Variants in KCNQ1 observed in about 807,000 individuals in gnomAD.
KCNQ1 encodes potassium voltage-gated channel subfamily Q member 1, also known as potassium voltage-gated channel subfamily KQT member 1.
A neutral mutation model predicts 72.4 loss-of-function variants in KCNQ1; 49 were observed. The ratio of observed to expected loss-of-function variants is 0.68; its 90% CI spans 0.54 to 0.86. The LOEUF (loss-of-function observed/expected upper bound fraction) is 0.86, where lower values mean the gene tolerates loss of function less well. Ranked by LOEUF, KCNQ1 falls within the 40% of genes least tolerant of loss-of-function variation. The probability of loss-of-function intolerance (pLI) is 0.00; values close to 1 mark genes in which losing one functional copy is unlikely to be tolerated. For missense variants in KCNQ1, 790 were observed against 945.1 expected, an observed-to-expected ratio of 0.84 and a Z score of 2.15; for synonymous variants, 450 against 412.6, an observed-to-expected ratio of 1.09 and a Z score of -1.10.
chr11:2,718,133 G>A (rs984682399), intron 11 of KCNQ1, among the ~76,000 whole-genome samples: 6 of 152,178 alleles, frequency 3.9e-5, no homozygotes, highest in South Asian at 2.1e-4. Flanking sequence ...ACACTTTGAG[G>A]CCCTCCCTGC....
chr11:2,812,153 C>T (rs1296763715), intron 15 of KCNQ1, among the ~76,000 whole-genome samples: 1 of 152,212 alleles, frequency 6.6e-6, no homozygotes, highest in African/African-American at 2.4e-5. Context: ...CACTCCCAGA[C>T]GGCTGGTCCC....
intron 11 of KCNQ1, chr11:2,685,264 G>C: frequency 2.5e-6 from 1 of 398,662 alleles, no homozygotes; most frequent in Non-Finnish European, 4.4e-6. Context: ...CAGGGCACAC[G>C]TGCCACTGTG....
chr11:2,461,800 G>A (rs1157507277), intron 1 of KCNQ1: 25 of 1,146,120 alleles, frequency 2.2e-5, no homozygotes, highest in Middle Eastern at 4.6e-4. Context: ...TATGGGTGGC[G>A]GGTAGATGGG....
intron 10 of KCNQ1, chr11:2,656,179 T>G (rs1849844982): frequency 2.5e-6 from 1 of 398,644 alleles, no homozygotes; most frequent in East Asian, 3.6e-5. Flanking sequence ...TGTTTTTTCT[T>G]TCTTCCTTCC....
rs1848952135 is a variant in KCNQ1, at chr11:2,609,982, A to T, written c.1393+21128A>T. On this transcript the variant is annotated intron_variant, in intron 10 of 15. Coordinates refer to ENST00000155840, the MANE Select transcript of KCNQ1 (RefSeq NM_000218.3). ...TCTGGTCTGATAATTCCTGCCTTTGATTAGATTGTTTAATCCATTCACATT... is the reference window on the plus strand; with the variant it reads ...TCTGGTCTGATAATTCCTGCCTTTGTTTAGATTGTTTAATCCATTCACATT... 4 of 397,980 alleles carry T rather than the reference A, an allele frequency of 1.0e-5. 1 individual carries two copies. In the Middle Eastern group the frequency reaches 2.5e-3, roughly 252 times the overall value. 24.7% of individuals were successfully genotyped at this position (397,980 alleles called of 1,614,324 possible).
At position 2,808,408 on chromosome 11, in the gene KCNQ1, G is replaced by A. The variant is rs542631230; in HGVS notation, c.1794+30371G>A. Among the ~76,000 whole-genome samples the A allele has an allele frequency of 6.6e-5, 10 of 152,320 alleles. No homozygotes were observed. The highest frequency in any genetic ancestry group is 5.8e-4 in the East Asian group (3 of 5,188). On this transcript the variant is annotated intron_variant, in intron 15 of 15. Transcript: ENST00000155840. This position sits in a 1 kb window ranked among gnomAD's most constrained non-coding sequence, Gnocchi z 6.0. ...CAGGAGCAAAGCAGGGCACTGTGCC[G>A]GAGAGGAACAGGGGTGGTCAGGGAA... is the stretch of plus-strand genomic sequence containing the variant.
Position 2,775,942 on chromosome 11 carries a change from T to C in KCNQ1, c.1591-18T>C, listed in dbSNP as rs1046721792. The C allele has an allele frequency of 6.4e-6, 10 of 1,551,362 alleles. No individual in the cohort carries two copies. The African/African-American group carries it at 1.4e-4, about 21-fold the overall frequency. ...GGGCACAGGGAGGAGAAGTGATGCG[T>C]GTCTTTTTGTCCCGCAGCAAGCGCG... On this transcript the variant is annotated intron_variant, in intron 12 of 15. Transcript: ENST00000155840.
rs1849260996 is a variant in KCNQ1 at position 2,626,276 on chromosome 11, T to C, written c.1394-35685T>C. 2.5e-6 allele frequency: 1 copy of C among 398,414 alleles called. No homozygotes were observed. The allele number at this position is 398,414 out of a possible 1,614,324, so 24.7% of individuals were successfully genotyped here. Reference sequence around the variant, plus strand: ...TCATTCTCTTTTATACATGGTTAGGTAAGGATCTCAACTTCATTCTCTTGA... The same window carrying C: ...TCATTCTCTTTTATACATGGTTAGGCAAGGATCTCAACTTCATTCTCTTGA... On this transcript the variant is annotated intron_variant, in intron 10 of 15. Transcript: ENST00000155840. The surrounding 1 kb of genome is among the most constrained non-coding windows in gnomAD (Gnocchi z 4.0).
rs960287060 is a variant in KCNQ1 at position 2,550,890 on chromosome 11, C to A, written c.478-19738C>A. Among the ~76,000 whole-genome samples the A allele has an allele frequency of 6.6e-6, 1 of 151,924 alleles. No homozygotes were observed. The highest frequency in any genetic ancestry group is 2.4e-5 in the African/African-American group (1 of 41,344). On this transcript the variant is annotated intron_variant, in intron 2 of 15. Coordinates refer to ENST00000155840, the MANE Select transcript of KCNQ1 (RefSeq NM_000218.3). This position sits in a 1 kb window ranked among gnomAD's most constrained non-coding sequence, Gnocchi z 6.0. ...GGGAGGCTGCCAAGTGAGGGGGGGG[C>A]ACAGACTGAGACAGGGTCCCCGTGT...
At position 2,507,554 on chromosome 11, in the gene KCNQ1, C is replaced by A. The variant is rs1405963111; in HGVS notation, c.387-20374C>A. ...GGGACCCCTCGCACCTGGGAGGATG[C>A]ACTTTCTGTTTCTGACATGGGTCAG... On this transcript the variant is annotated intron_variant, in intron 1 of 15. Coordinates refer to ENST00000155840, the MANE Select transcript of KCNQ1 (RefSeq NM_000218.3). This position sits in a 1 kb window ranked among gnomAD's most constrained non-coding sequence, Gnocchi z 5.4. 6.6e-6 allele frequency among the ~76,000 whole-genome samples: 1 copy of A among 152,126 alleles called. No homozygotes were observed. The highest frequency in any genetic ancestry group is 1.5e-5 in the Non-Finnish European group (1 of 68,036).
At position 2,808,523 on chromosome 11, in the gene KCNQ1, A is replaced by T. The variant is rs1293330529; in HGVS notation, c.1794+30486A>T. Among the ~76,000 whole-genome samples, 6 of 152,216 alleles carry T rather than the reference A, an allele frequency of 3.9e-5. No homozygotes were observed. Among genetic ancestry groups the T allele is most frequent in the African/African-American group, 1.4e-4 (6 of 41,450 alleles). ...AACTGAGCAGAGAAGAAAACAAAAG[A>T]GGACCATAATATCTCCACAGAGAAC... On this transcript the variant is annotated intron_variant, in intron 15 of 15. Transcript: ENST00000155840. This position sits in a 1 kb window ranked among gnomAD's most constrained non-coding sequence, Gnocchi z 6.0.
At chr11:2,615,009 T>C (rs1432623651) in intron 10 of KCNQ1, 6 of 398,332 alleles carry the variant, frequency 1.5e-5, no homozygotes, top group Non-Finnish European at 2.2e-5. Context: ...CAATATTTAA[T>C]CTTCCAATCT....
At chr11:2,528,057 G>A (rs758854055) in intron 2 of KCNQ1, 39 bp downstream of exon 2, 1 of 1,536,180 alleles carries the variant, frequency 6.5e-7, no homozygotes, top group Non-Finnish European at 9.0e-7. Context: ...TGTCATGGCT[G>A]CCTTGGAAGC....
chr11:2,781,852 G>A lies in KCNQ1; in HGVS notation c.1794+3815G>A, dbSNP rs886592928. ...GTTTCCATGCCGCAGTTCAGAAAGCGTTGGGCGGGAAGGGGCCCCCACCAC... is the reference window on the plus strand; with the variant it reads ...GTTTCCATGCCGCAGTTCAGAAAGCATTGGGCGGGAAGGGGCCCCCACCAC... On this transcript the variant is annotated intron_variant, in intron 15 of 15. Coordinates refer to ENST00000155840, the MANE Select transcript of KCNQ1 (RefSeq NM_000218.3). The surrounding 1 kb of genome is among the most constrained non-coding windows in gnomAD (Gnocchi z 6.6). Among the ~76,000 whole-genome samples, 1 of 152,152 alleles carries A rather than the reference G, an allele frequency of 6.6e-6. No homozygotes were observed. The highest frequency in any genetic ancestry group is 2.4e-5 in the African/African-American group (1 of 41,422).
At chr11:2,650,835 A>T in intron 10 of KCNQ1, 1 of 398,606 alleles carries the variant, frequency 2.5e-6, no homozygotes, top group Non-Finnish European at 4.4e-6. Flanking sequence ...TACTGATTTT[A>T]TGCTTTTAGG....
Position 2,661,838 on chromosome 11 carries a change from G to C in KCNQ1, c.1394-123G>C. 2 of 1,277,282 alleles carry C rather than the reference G, an allele frequency of 1.6e-6. No individual in the cohort carries two copies. The highest frequency in any genetic ancestry group is 2.3e-6 in the Non-Finnish European group (2 of 884,534). 79.1% of individuals were successfully genotyped at this position (1,277,282 alleles called of 1,614,324 possible). ...ACCCAACTATAAAACTGATTGTCAG[G>C]GCTGGAGCTTCCAGGCACAAGCTCC... is the stretch of plus-strand genomic sequence containing the variant. On this transcript the variant is annotated intron_variant, in intron 10 of 15. Coordinates refer to ENST00000155840, the MANE Select transcript of KCNQ1 (RefSeq NM_000218.3). This position sits in a 1 kb window ranked among gnomAD's most constrained non-coding sequence, Gnocchi z 5.9.
chr11:2,652,780 C>A lies in KCNQ1; in HGVS notation c.1394-9181C>A. On this transcript the variant is annotated intron_variant, in intron 10 of 15. Coordinates refer to ENST00000155840, the MANE Select transcript of KCNQ1 (RefSeq NM_000218.3). The surrounding 1 kb of genome is among the most constrained non-coding windows in gnomAD (Gnocchi z 5.9). ...CACTGCCTGTCTTCCTCAGCGCCCC[C>A]GCTACTCAGACCCCACCCTTGGGCC... The A allele has an allele frequency of 2.5e-6, 1 of 399,172 alleles. No homozygotes were observed. The highest frequency in any genetic ancestry group is 4.4e-6 in the Non-Finnish European group (1 of 226,542). 24.7% of individuals were successfully genotyped at this position (399,172 alleles called of 1,614,324 possible).
intron 15 of KCNQ1, among the ~76,000 whole-genome samples, chr11:2,796,207 A>G (rs1316916613): frequency 6.6e-6 from 1 of 152,052 alleles, no homozygotes; most frequent in Non-Finnish European, 1.5e-5. Context: ...ACCACCTGAA[A>G]TCATTCCATG....
At position 2,509,850 on chromosome 11, in the gene KCNQ1, G is replaced by A. The variant is rs1333875130; in HGVS notation, c.387-18078G>A. 4.6e-5 allele frequency among the ~76,000 whole-genome samples: 7 copies of A among 152,172 alleles called. No individual in the cohort carries two copies. Among genetic ancestry groups the A allele is most frequent in the East Asian group, 3.9e-4 (2 of 5,192 alleles). On this transcript the variant is annotated intron_variant, in intron 1 of 15. Coordinates refer to ENST00000155840, the MANE Select transcript of KCNQ1 (RefSeq NM_000218.3). This position sits in a 1 kb window ranked among gnomAD's most constrained non-coding sequence, Gnocchi z 6.3. Reference sequence around the variant, plus strand: ...CCTGGCGGGGCCGGCCAATGGTGGCGTGATGCAGCCTGGCTTGGGAAATGC... The same window carrying A: ...CCTGGCGGGGCCGGCCAATGGTGGCATGATGCAGCCTGGCTTGGGAAATGC...
Sources: allele counts gnomAD v4.1 joint callset (sites outside exome capture counted in the v4.1 genomes callset), GRCh38; gene constraint gnomAD v4.1.1; non-coding constraint Gnocchi (gnomAD v3.1); transcripts MANE v1.5; gene names NCBI Gene and HGNC (gene_info 2026-07-23, HGNC 2026-07-21).